Variants in RABL6 observed in about 807,000 individuals in gnomAD.
The protein encoded by RABL6 is rab-like protein 6.
A neutral mutation model predicts 72.9 loss-of-function variants in RABL6; 28 were observed. The ratio of observed to expected loss-of-function variants is 0.38; its 90% CI spans 0.28 to 0.53. The LOEUF is 0.53. Among genes scored for constraint, RABL6 ranks in the 20% least tolerant of loss-of-function variants. RABL6 has a pLI of 0.80. For missense variants in RABL6, 1,029 were observed against 1,008.4 expected, an observed-to-expected ratio of 1.02 and a Z score of -0.28; for synonymous variants, 477 against 421.2, an observed-to-expected ratio of 1.13 and a Z score of -1.62.
At chr9:136,837,018 CA>C (rs1848594997) in intron 8 of RABL6, 1 of 437,836 alleles carries the variant, frequency 2.3e-6, no homozygotes, top group Admixed American at 3.5e-5. Flanking sequence ...GGGCTACAGG[CA>C]CCCGCCACCA....
chr9:136,839,158 C>G lies in RABL6; in HGVS notation c.1493+37C>G, dbSNP rs750044819. The G allele has an allele frequency of 1.2e-5, 19 of 1,606,618 alleles. No individual in the cohort carries two copies. The Middle Eastern group carries it at 5.3e-4, about 45-fold the overall frequency. Reference sequence around the variant, plus strand: ...TGTCCCCACGGGTGCGGCCTGGAGACCCGGGTGGGGCAGTTCAGGACGCCT... The same window carrying G: ...TGTCCCCACGGGTGCGGCCTGGAGAGCCGGGTGGGGCAGTTCAGGACGCCT... On this transcript the variant is annotated intron_variant, in intron 11 of 14. Coordinates refer to ENST00000311502, the MANE Select transcript of RABL6 (RefSeq NM_024718.5).
intron 1 of RABL6, 170 bp downstream of exon 1, chr9:136,808,496 A>T: frequency 4.8e-6 from 3 of 626,076 alleles, no homozygotes; most frequent in Non-Finnish European, 6.6e-6. Context: ...ACGCGAGGAG[A>T]GGCCAGGCCA....
chr9:136,831,913 C>A, intron 6 of RABL6, 52 bp downstream of exon 6: 1 of 1,555,158 alleles, frequency 6.4e-7, no homozygotes, highest in East Asian at 2.3e-5. Context: ...CTCCGGTGTG[C>A]GGGGGAGGGT....
rs1848481294 is a variant in RABL6 at position 136,831,828 on chromosome 9, A to G, written c.566A>G (p.Asp189Gly). ...GGCGAGCACCGAGTCATCCTGCCGG[A>G]CGACGTGCGTGACTTCATCGACAAC... is the stretch of plus-strand genomic sequence containing the variant. ...DMGEHRVILP[D>G]DVRDFIDNLD... The change falls in exon 6 of 15, where the codon GAC (aspartate) becomes GGC (glycine). Residue 189 changes from aspartate (D) to glycine (G), a missense_variant. Physicochemically the swap from Asp to Gly is moderately conservative, Grantham distance 94 (BLOSUM62 -1). Around this residue, in one of 2 missense-constraint regions of RABL6, gnomAD observed 434 missense variants for 536.1 expected, o/e 0.81. Coordinates refer to ENST00000311502, the MANE Select transcript of RABL6 (RefSeq NM_024718.5). 3 of 1,612,692 alleles carry G rather than the reference A, an allele frequency of 1.9e-6. No individual in the cohort carries two copies.
At chr9:136,818,378 AAAAAAAAAAAAAAAAAAAAAAAAAAAC>A (rs1467450189) in intron 1 of RABL6, among the ~76,000 whole-genome samples, 18 of 71,162 alleles carry the variant, frequency 2.5e-4, no homozygotes, top group East Asian at 3.6e-4. Flanking sequence ...AAAAAAAAAA[AAAAAAAAAAAAAAAAAAAAAAAAAAAC>A]CAAAGGTAAG....
At chr9:136,819,132 C>A (rs1185974530) in intron 1 of RABL6, among the ~76,000 whole-genome samples, 1 of 152,058 alleles carries the variant, frequency 6.6e-6, no homozygotes, top group African/African-American at 2.4e-5. Flanking sequence ...ACCATCCTGG[C>A]TAACATGGTG....
chr9:136,835,934 A>G lies in RABL6; in HGVS notation c.809+89A>G, dbSNP rs1424918512. 10 of 1,261,028 alleles carry G rather than the reference A, an allele frequency of 7.9e-6. No individual in the cohort carries two copies. The Admixed American group carries it at 2.2e-4, about 27-fold the overall frequency. 78.1% of individuals were successfully genotyped at this position (1,261,028 alleles called of 1,614,324 possible). A position where few individuals can be genotyped will look rare whatever the true frequency, so the allele number is the denominator to read the frequency against. ...CCATGGGCTGCACCAAGGAGACAGC[A>G]GAGGGGAGTGTCCCCTGTTTGGGGT... On this transcript the variant is annotated intron_variant, in intron 8 of 14. Transcript: ENST00000311502.
At chr9:136,828,236 G>A in intron 3 of RABL6, 2 of 488,676 alleles carry the variant, frequency 4.1e-6, no homozygotes, top group East Asian at 3.5e-5. Context: ...GCCTGTCCAG[G>A]AGCTGCTGAG....
chr9:136,828,394 GC>G (rs1404460823), intron 3 of RABL6, 99 bp from the exon 4 acceptor site: 23 of 1,232,958 alleles, frequency 1.9e-5, no homozygotes, highest in Non-Finnish European at 2.7e-5. Flanking sequence ...TAGAGCACCC[GC>G]TGGAGCTGGG....
Position 136,836,055 on chromosome 9 carries a change from C to T in RABL6, c.809+210C>T, listed in dbSNP as rs959958478. On this transcript the variant is annotated intron_variant, in intron 8 of 14. Coordinates refer to ENST00000311502, the MANE Select transcript of RABL6 (RefSeq NM_024718.5). ...TCACCCCTGGCGTGGACTCCTCATA[C>T]AGGTCATGCTGTGCCTGCCACTCTG... 13 of 545,880 alleles carry T rather than the reference C, an allele frequency of 2.4e-5. No individual in the cohort carries two copies. In the South Asian group the frequency reaches 3.0e-4, roughly 13 times the overall value. The allele number at this position is 545,880 out of a possible 1,614,324, so 33.8% of individuals were successfully genotyped here. A position where few individuals can be genotyped will look rare whatever the true frequency, so the allele number is the denominator to read the frequency against.
chr9:136,815,418 C>A, intron 1 of RABL6: 1 of 277,240 alleles, frequency 3.6e-6, no homozygotes, highest in South Asian at 4.3e-5. Context: ...TTCTCCACAG[C>A]TGTCATCTTC....
rs143341441 is a variant in RABL6 at position 136,836,331 on chromosome 9, C to T, written c.809+486C>T. The T allele has an allele frequency of 4.5e-3, 693 of 153,766 alleles. 3 individuals are homozygous for T. The highest frequency in any genetic ancestry group is 7.1e-3 in the Non-Finnish European group (489 of 69,008). 9.5% of individuals were successfully genotyped at this position (153,766 alleles called of 1,614,324 possible). ...TGGGCAGTGCATAGCCCCGGGGTTG[C>T]GGCCAGTGGGACAGCTGGCCCGTTC... On this transcript the variant is annotated intron_variant, in intron 8 of 14. Transcript: ENST00000311502.
intron 7 of RABL6, chr9:136,833,852 G>A: frequency 1.3e-6 from 2 of 1,550,556 alleles, no homozygotes; most frequent in Non-Finnish European, 8.7e-7. Flanking sequence ...GACTTGTCCT[G>A]TGCCGGCACT....
chr9:136,831,641 CT>C, intron 5 of RABL6, 79 bp from the exon 6 acceptor site: 1 of 1,580,916 alleles, frequency 6.3e-7, no homozygotes, highest in East Asian at 2.3e-5. Flanking sequence ...ATCCTCGGGC[CT>C]GGGCGCACAG....
intron 1 of RABL6, among the ~76,000 whole-genome samples, chr9:136,810,964 GCT>G (rs1188772123): frequency 6.6e-6 from 1 of 152,218 alleles, no homozygotes; most frequent in East Asian, 1.9e-4. Context: ...AGGAGTCTGG[GCT>G]CTCCTCCTGG....
At chr9:136,833,882 C>A in intron 7 of RABL6, 1 of 1,550,518 alleles carries the variant, frequency 6.4e-7, no homozygotes, top group Non-Finnish European at 8.7e-7. Context: ...GCCCCTCCTT[C>A]CTGCAGAGCC....
intron 1 of RABL6, chr9:136,808,908 C>G (rs1024212224): frequency 6.6e-6 from 1 of 152,154 alleles, no homozygotes; most frequent in Non-Finnish European, 1.5e-5. Context: ...GGCTGACTTG[C>G]GACTGTAGGA....
At chr9:136,820,266 A>G (rs1848210473) in intron 1 of RABL6, among the ~76,000 whole-genome samples, 1 of 151,832 alleles carries the variant, frequency 6.6e-6, no homozygotes, top group African/African-American at 2.4e-5. Flanking sequence ...TTGGGAGGCT[A>G]AGGTGGGAGG....
intron 7 of RABL6, chr9:136,834,039 G>A (rs1477933667): frequency 6.2e-6 from 9 of 1,461,710 alleles, no homozygotes; most frequent in Non-Finnish European, 4.5e-6. Context: ...GGAAGCGTAG[G>A]GCTGAGCTGT....
Sources: gnomAD v4.1 joint callset for allele counts (sites outside exome capture counted in the v4.1 genomes callset) on GRCh38, gnomAD v4.1.1 for gene constraint, gnomAD v4.1.1 regional missense constraint, MANE v1.5 for transcripts, NCBI Gene and HGNC (gene_info 2026-07-23, HGNC 2026-07-21) for gene names.